Variants in SIX2 observed in about 807,000 individuals in gnomAD.
SIX2 encodes SIX homeobox 2.
SIX2 carries 20 observed loss-of-function variants against 22.8 expected under a neutral mutation model. That is an observed-to-expected ratio of 0.88 (90% confidence interval 0.62 to 1.28). The LOEUF (loss-of-function observed/expected upper bound fraction) is 1.28. Among genes scored for constraint, SIX2 ranks in the 50% most tolerant of loss-of-function variants. The pLI is 0.00. For missense variants in SIX2, 360 were observed against 400.0 expected, an observed-to-expected ratio of 0.90 and a Z score of 0.85; for synonymous variants, 195 against 186.4, an observed-to-expected ratio of 1.05 and a Z score of -0.37.
rs1355362274 is a variant in SIX2, at chr2:45,009,169, A to T, written c.-59T>A. 7.2e-7 allele frequency: 1 copy of T among 1,384,156 alleles called. No individual in the cohort carries two copies. Among genetic ancestry groups the T allele is most frequent in the Non-Finnish European group, 9.3e-7 (1 of 1,076,772 alleles). 85.7% of individuals were successfully genotyped at this position (1,384,156 alleles called of 1,614,324 possible). A position where few individuals can be genotyped will look rare whatever the true frequency, so the allele number is the denominator to read the frequency against. On this transcript the variant is annotated 5_prime_UTR_variant, in exon 1 of 2. The change abolishes an upstream ATG in the 5' untranslated region. Transcript: ENST00000303077. ...CCCTCACCGGGCCGCGCGGTCCCGC[A>T]TGGGAGCTTCCTCGCCGGGCCGTCC...
chr2:45,008,018 G>T (rs1456368807), intron 1 of SIX2, among the ~76,000 whole-genome samples: 1 of 152,158 alleles, frequency 6.6e-6, no homozygotes, highest in Non-Finnish European at 1.5e-5. Flanking sequence ...TAAAGGACCC[G>T]CTCTCAACTC....
Position 45,008,984 on chromosome 2 carries a change from G to A in SIX2, c.127C>T (p.Leu43Phe), listed in dbSNP as rs142188105. 307 of 1,613,024 alleles carry A rather than the reference G, an allele frequency of 1.9e-4. No individual in the cohort carries two copies. Among genetic ancestry groups the A allele is most frequent in the Non-Finnish European group, 2.4e-4 (279 of 1,179,934 alleles). The change falls in exon 1 of 2, where the codon CTT (leucine) becomes TTT (phenylalanine). Residue 43 changes from leucine (L) to phenylalanine (F), a missense_variant. This residue lies in a region of SIX2 where 118 missense variants were observed against 135.1 expected (regional missense o/e 0.87). Coordinates refer to ENST00000303077, the MANE Select transcript of SIX2 (RefSeq NM_016932.5). Reference protein sequence around the residue: ...FLWSLPACEHLHKNESVLKAK... With the variant: ...FLWSLPACEHFHKNESVLKAK... ...TTGAGCACGCTTTCATTCTTGTGAA[G>A]GTGCTCGCAGGCGGGCAGCGACCAC...
At position 45,008,804 on chromosome 2, in the gene SIX2, G is replaced by A. The variant is rs760243444; in HGVS notation, c.307C>T (p.Leu103=). The change falls in exon 1 of 2, where the codon CTG becomes TTG. Residue 103 remains leucine, a synonymous_variant. Coordinates refer to ENST00000303077, the MANE Select transcript of SIX2 (RefSeq NM_016932.5). ...ACGCGGTATTTGCCCACGGCGCCCA[G>A]GGGTCGGCCGCGCAGCTTCTCCGCC... is the stretch of plus-strand genomic sequence containing the variant. ...IEAEKLRGRP[L]GAVGKYRVRR... The A allele has an allele frequency of 1.9e-6, 3 of 1,613,856 alleles. No individual in the cohort carries two copies. In the East Asian group the frequency reaches 6.7e-5, roughly 36 times the overall value.
rs1378012195 is a variant in SIX2, at chr2:45,006,053, A to G, written c.*117T>C. 2.8e-6 allele frequency: 3 copies of G among 1,089,692 alleles called. No individual in the cohort carries two copies. The Admixed American group carries it at 5.1e-5, about 19-fold the overall frequency. The allele number at this position is 1,089,692 out of a possible 1,614,324, so 67.5% of individuals were successfully genotyped here. ...CCCTACCCGGCTGTTCTACCCGCTC[A>G]GCCTGCGGGTCTTTCAGTACCTGGT... On this transcript the variant is annotated 3_prime_UTR_variant, in exon 2 of 2. Coordinates refer to ENST00000303077, the MANE Select transcript of SIX2 (RefSeq NM_016932.5). This position sits in a 1 kb window ranked among gnomAD's most constrained non-coding sequence, Gnocchi z 4.2.
Position 45,006,257 on chromosome 2 carries a change from A to C in SIX2, c.789T>G (p.Gly263=), listed in dbSNP as rs760424819. 60 of 1,613,936 alleles carry C rather than the reference A, an allele frequency of 3.7e-5. No individual in the cohort carries two copies. The South Asian group carries it at 6.6e-4, about 18-fold the overall frequency. Residue 263 remains glycine, a synonymous_variant, in exon 2 of 2, where the codon GGT becomes GGG. Coordinates refer to ENST00000303077, the MANE Select transcript of SIX2 (RefSeq NM_016932.5). This position sits in a 1 kb window ranked among gnomAD's most constrained non-coding sequence, Gnocchi z 4.2. ...SAVPVPVPGG[G]GADPLQHHHG... ...GGTGGTGTTGCAGTGGGTCCGCTCC[A>C]CCTCCGCCTGGCACCGGCACTGGCA...
chr2:45,008,560 G>GC lies in SIX2; in HGVS notation c.550dup (p.Ala184GlyfsTer13). On this transcript the variant is annotated frameshift_variant, in exon 1 of 2. Coordinates refer to ENST00000303077, the MANE Select transcript of SIX2 (RefSeq NM_016932.5). LOFTEE classifies it high-confidence loss of function. The stretch of plus-strand genomic sequence containing the variant: ...GTCTACTTACTCGTACCTTTCCTTG[G>GC]CCTCGGCCGCCCGGTCGCGCTGCCG... The GC allele has an allele frequency of 6.2e-7, 1 of 1,613,718 alleles. No individual in the cohort carries two copies. The highest frequency in any genetic ancestry group is 8.5e-7 in the Non-Finnish European group (1 of 1,179,946).
intron 1 of SIX2, among the ~76,000 whole-genome samples, chr2:45,007,909 G>A (rs774486731): frequency 2.0e-5 from 3 of 152,144 alleles, no homozygotes; most frequent in Non-Finnish European, 4.4e-5. Context: ...TGCCAGGGAA[G>A]GGCGGCTATC....
chr2:45,007,240 C>T (rs1312809473), intron 1 of SIX2, among the ~76,000 whole-genome samples: 2 of 152,126 alleles, frequency 1.3e-5, no homozygotes, highest in Non-Finnish European at 2.9e-5. Context: ...CCAGCCACTC[C>T]GGGAATCTGC....
In SIX2 at chr2:45,006,263, G is replaced by T. The variant is rs371349704; in HGVS notation, c.783C>A (p.Gly261=). 3 of 1,614,080 alleles carry T rather than the reference G, an allele frequency of 1.9e-6. No homozygotes were observed. The highest frequency in any genetic ancestry group is 1.1e-5 in the South Asian group (1 of 91,092). The change falls in exon 2 of 2, where the codon GGC becomes GGA. Residue 261 remains glycine, a synonymous_variant. Transcript: ENST00000303077. The surrounding 1 kb of genome is among the most constrained non-coding windows in gnomAD (Gnocchi z 4.2). The stretch of plus-strand genomic sequence containing the variant: ...GTTGCAGTGGGTCCGCTCCACCTCC[G>T]CCTGGCACCGGCACTGGCACTGCGC... The part of the protein sequence containing the change: ...GPSAVPVPVP[G]GGGADPLQHH...
chr2:45,008,089 C>G (rs540964111), intron 1 of SIX2, among the ~76,000 whole-genome samples: 58 of 152,320 alleles, frequency 3.8e-4, no homozygotes, highest in African/African-American at 1.4e-3. Context: ...TAGGGAAGTT[C>G]CAGCCCCAGT....
Position 45,006,115 on chromosome 2 carries a change from C to A in SIX2, c.*55G>T, listed in dbSNP as rs978911179. ...GGCGGGGCGCCCCTGGACACCGCCA[C>A]TCCACGTCCCCAGTGTCAAGTCACA... On this transcript the variant is annotated 3_prime_UTR_variant, in exon 2 of 2. Coordinates refer to ENST00000303077, the MANE Select transcript of SIX2 (RefSeq NM_016932.5). The surrounding 1 kb of genome is among the most constrained non-coding windows in gnomAD (Gnocchi z 4.2). 3 of 1,594,686 alleles carry A rather than the reference C, an allele frequency of 1.9e-6. No individual in the cohort carries two copies. Among genetic ancestry groups the A allele is most frequent in the Non-Finnish European group, 1.7e-6 (2 of 1,162,172 alleles).
chr2:45,008,167 G>C (rs1572649537), intron 1 of SIX2, among the ~76,000 whole-genome samples: 2 of 152,224 alleles, frequency 1.3e-5, no homozygotes, highest in East Asian at 3.8e-4. Context: ...CCACCAGCAA[G>C]AAATCTGCAA....
At position 45,006,534 on chromosome 2, in the gene SIX2, A is replaced by G. The variant is rs375988680; in HGVS notation, c.561-49T>C. On this transcript the variant is annotated intron_variant, in intron 1 of 1. Transcript: ENST00000303077. The surrounding 1 kb of genome is among the most constrained non-coding windows in gnomAD (Gnocchi z 4.2). ...CGGGGTCAGCAGGGACATCGAGACC[A>G]CCCAGCGCCATCTCAGTCACAGTCA... is the stretch of plus-strand genomic sequence containing the variant. The G allele has an allele frequency of 7.1e-6, 11 of 1,555,176 alleles. No homozygotes were observed. The highest frequency in any genetic ancestry group is 9.7e-6 in the Non-Finnish European group (11 of 1,135,366).
Position 45,005,651 on chromosome 2 carries a change from C to G in SIX2, c.*519G>C, listed in dbSNP as rs1052743031. 1.5e-5 allele frequency: 3 copies of G among 195,768 alleles called. No homozygotes were observed. In the Admixed American group the frequency reaches 1.6e-4, roughly 10 times the overall value. 12.1% of individuals were successfully genotyped at this position (195,768 alleles called of 1,614,324 possible). A position where few individuals can be genotyped will look rare whatever the true frequency, so the allele number is the denominator to read the frequency against. On this transcript the variant is annotated 3_prime_UTR_variant, in exon 2 of 2. Coordinates refer to ENST00000303077, the MANE Select transcript of SIX2 (RefSeq NM_016932.5). ...AGGAGGAGAAAGACAGGGGTACATA[C>G]GGAGGGACCAGGACACAGAGTACAA...
chr2:45,005,901 A>C lies in SIX2; in HGVS notation c.*269T>G, dbSNP rs61203820. On this transcript the variant is annotated 3_prime_UTR_variant, in exon 2 of 2. Coordinates refer to ENST00000303077, the MANE Select transcript of SIX2 (RefSeq NM_016932.5). The stretch of plus-strand genomic sequence containing the variant: ...AAAAGGAAGAGACAGAGGGAGAGAG[A>C]GAATGACAGTGGTGTATAATTTATT... The C allele has an allele frequency of 2.5e-3, 1,443 of 575,774 alleles. 13 individuals are homozygous for C. The highest frequency in any genetic ancestry group is 0.024 in the African/African-American group (1,303 of 53,524). The allele number at this position is 575,774 out of a possible 1,614,324, so 35.7% of individuals were successfully genotyped here. A position where few individuals can be genotyped will look rare whatever the true frequency, so the allele number is the denominator to read the frequency against.
chr2:45,008,511 C>A (rs1335565038), intron 1 of SIX2, 40 bp downstream of exon 1: 1 of 1,602,642 alleles, frequency 6.2e-7, no homozygotes, highest in African/African-American at 1.3e-5. Flanking sequence ...TCCCTTGGGC[C>A]CCGGGGAGCT....
Position 45,006,188 on chromosome 2 carries a change from G to A in SIX2, c.858C>T (p.Leu286=), listed in dbSNP as rs767269171. Residue 286 remains leucine (L), a synonymous_variant, in exon 2 of 2, where the codon CTC becomes CTT. Coordinates refer to ENST00000303077, the MANE Select transcript of SIX2 (RefSeq NM_016932.5). The surrounding 1 kb of genome is among the most constrained non-coding windows in gnomAD (Gnocchi z 4.2). ...DSILNPMSAN[L]VDLGS ...ATGGGTTCTAGGAGCCCAGGTCCAC[G>A]AGGTTGGCTGACATGGGGTTGAGGA... 15 of 1,614,250 alleles carry A rather than the reference G, an allele frequency of 9.3e-6. No homozygotes were observed. Among genetic ancestry groups the A allele is most frequent in the African/African-American group, 1.3e-5 (1 of 75,066 alleles).
In SIX2 at chr2:45,006,450, T is replaced by C. The variant is rs761932667; in HGVS notation, c.596A>G (p.Asn199Ser). Residue 199 changes from asparagine to serine, a missense_variant, in exon 2 of 2, where the codon AAC (asparagine) becomes AGC (serine). By Grantham distance (46) the Asn-to-Ser change is conservative. This residue lies in a region of SIX2 where 235 missense variants were observed against 231.9 expected (regional missense o/e 1.01). Transcript: ENST00000303077. This position sits in a 1 kb window ranked among gnomAD's most constrained non-coding sequence, Gnocchi z 4.2. ...CGACTTGCCGCTGCCATTCAGCGGG[T>C]TGTGGCTGTTAGAATTGGAGTTCTC... ...NNENSNSNSH[N>S]PLNGSGKSVL... The C allele has an allele frequency of 1.2e-6, 2 of 1,613,992 alleles. No individual in the cohort carries two copies. The highest frequency in any genetic ancestry group is 1.7e-6 in the Non-Finnish European group (2 of 1,180,010).
At chr2:45,007,862 G>A (rs1047781312) in intron 1 of SIX2, among the ~76,000 whole-genome samples, 1 of 152,108 alleles carries the variant, frequency 6.6e-6, no homozygotes, top group African/African-American at 2.4e-5. Context: ...ACCCATCAGA[G>A]GTAGGGCCTA....
Sources: allele counts gnomAD v4.1 joint callset (sites outside exome capture counted in the v4.1 genomes callset), GRCh38; gene constraint gnomAD v4.1.1; regional missense constraint gnomAD v4.1.1; non-coding constraint Gnocchi (gnomAD v3.1); transcripts MANE v1.5; gene names NCBI Gene and HGNC (gene_info 2026-07-23, HGNC 2026-07-21).